The following CX3CR1 variants were observed in gnomAD, a reference collection of about 807,000 sequenced individuals.
CX3CR1 encodes the protein CX3C chemokine receptor 1.
For missense variants in CX3CR1, 363 were observed against 432.4 expected, an observed-to-expected ratio of 0.84 and a Z score of 1.42; for synonymous variants, 168 against 178.5, an observed-to-expected ratio of 0.94 and a Z score of 0.47.
chr3:39,277,478 G>A (rs1319864934), intron 1 of CX3CR1, among the ~76,000 whole-genome samples: 3 of 152,224 alleles, frequency 2.0e-5, no homozygotes, highest in African/African-American at 4.8e-5. Context: ...TCCTATGACC[G>A]TGACCTGCTG....
upstream of CX3CR1, chr3:39,286,657 C>CAAAAAAA: frequency 1.2e-5 from 1 of 81,630 alleles, no homozygotes; most frequent in Non-Finnish European, 2.4e-5. Flanking sequence ...GACTCCGTCT[C>CAAAAAAA]AAAAAAAAAA....
chr3:39,284,418 T>G (rs1234672633), upstream of CX3CR1, among the ~76,000 whole-genome samples: 1 of 152,170 alleles, frequency 6.6e-6, no homozygotes, highest in Non-Finnish European at 1.5e-5. Flanking sequence ...CACCTTGGCC[T>G]CCCAAAATGC....
upstream of CX3CR1, among the ~76,000 whole-genome samples, chr3:39,284,519 C>T (rs2040931458): frequency 6.6e-6 from 1 of 152,084 alleles, no homozygotes; most frequent in Non-Finnish European, 1.5e-5. Flanking sequence ...AGTTTAAAGT[C>T]TGGGGATTAG....
At position 39,266,251 on chromosome 3, in the gene CX3CR1, A is replaced by G. The variant is rs938883415; in HGVS notation, c.259T>C (p.Trp87Arg). 12 of 1,614,244 alleles carry G rather than the reference A, an allele frequency of 7.4e-6. No homozygotes were observed. The highest frequency in any genetic ancestry group is 1.0e-5 in the Non-Finnish European group (12 of 1,180,042). The stretch of plus-strand genomic sequence containing the variant: ...TTTTCATTTATCAAATAGTGAGTCC[A>G]GAAGGGCAAAGTGGCTACAAACAGC... The part of the protein sequence containing the change: ...DLLFVATLPF[W>R]THYLINEKGL... The change falls in exon 2 of 2, where the codon TGG (tryptophan) becomes CGG (arginine). Residue 87 changes from tryptophan to arginine, a missense_variant. Transcript: ENST00000399220.
At position 39,265,021 on chromosome 3, in the gene CX3CR1, G is replaced by T; in HGVS notation, c.*421C>A. On this transcript the variant is annotated 3_prime_UTR_variant, in exon 2 of 2. Transcript: ENST00000399220. The stretch of plus-strand genomic sequence containing the variant: ...AAAGCTGTGTCATGTAAAGTCTGGG[G>T]GATCTATAATGACTAAAAGATTTGA... The T allele has an allele frequency of 6.3e-6, 1 of 158,604 alleles. No individual in the cohort carries two copies. Among genetic ancestry groups the T allele is most frequent in the Non-Finnish European group, 1.4e-5 (1 of 72,422 alleles). 9.8% of individuals were successfully genotyped at this position (158,604 alleles called of 1,614,324 possible).
At chr3:39,284,286 C>G (rs564856123), upstream of CX3CR1, among the ~76,000 whole-genome samples, 9 of 152,168 alleles carry the variant, frequency 5.9e-5, no homozygotes, top group East Asian at 1.7e-3. Flanking sequence ...CTCAGCTTCC[C>G]GAGTAGCTGG....
At chr3:39,283,791 AAAATTATATATATATAT>A (rs1333746613), upstream of CX3CR1, among the ~76,000 whole-genome samples, 1 of 83,792 alleles carries the variant, frequency 1.2e-5, no homozygotes, top group Non-Finnish European at 2.3e-5. Flanking sequence ...AAAAAAAAAA[AAAATTATATATATATAT>A]ATATATATAT....
At chr3:39,271,919 C>G (rs1467540179) in intron 1 of CX3CR1, among the ~76,000 whole-genome samples, 1 of 152,184 alleles carries the variant, frequency 6.6e-6, no homozygotes, top group African/African-American at 2.4e-5. Context: ...GATAGGGCCT[C>G]CTGGCAGCAG....
upstream of CX3CR1, among the ~76,000 whole-genome samples, chr3:39,283,402 T>G (rs1473016178): frequency 6.6e-6 from 1 of 152,262 alleles, no homozygotes; most frequent in South Asian, 2.1e-4. Flanking sequence ...TCTTGTGCTT[T>G]ATGTATAAAA....
At chr3:39,270,526 T>C (rs78796740) in intron 1 of CX3CR1, among the ~76,000 whole-genome samples, 1 of 152,220 alleles carries the variant, frequency 6.6e-6, no homozygotes, top group African/African-American at 2.4e-5. Context: ...ATCTGTATAT[T>C]CTGTCATGCA....
upstream of CX3CR1, among the ~76,000 whole-genome samples, chr3:39,285,212 GAAAA>G (rs4016656): frequency 5.2e-5 from 6 of 115,612 alleles, no homozygotes; most frequent in Admixed American, 1.8e-4. Context: ...CATTGGTACA[GAAAA>G]AAAAAAAAAA....
At chr3:39,270,930 A>T (rs1386745201) in intron 1 of CX3CR1, among the ~76,000 whole-genome samples, 1 of 152,244 alleles carries the variant, frequency 6.6e-6, no homozygotes, top group African/African-American at 2.4e-5. Context: ...ATATAAAAGG[A>T]TCATCTCTAT....
At chr3:39,276,871 C>T (rs936643750) in intron 1 of CX3CR1, among the ~76,000 whole-genome samples, 3 of 152,082 alleles carry the variant, frequency 2.0e-5, no homozygotes, top group Non-Finnish European at 4.4e-5. Context: ...GAAGTGATCA[C>T]CATAGAAGTC....
chr3:39,283,797 ATATATATATATAT>A (rs2040925789), upstream of CX3CR1, among the ~76,000 whole-genome samples: 2 of 23,730 alleles, frequency 8.4e-5, no homozygotes, highest in South Asian at 9.7e-4. Flanking sequence ...AAAAAAAATT[ATATATATATATAT>A]ATATATATAT....
upstream of CX3CR1, among the ~76,000 whole-genome samples, chr3:39,284,700 C>G (rs538678012): frequency 3.3e-5 from 5 of 152,274 alleles, no homozygotes; most frequent in African/African-American, 1.2e-4. Context: ...ACTTTCTAGT[C>G]AGGTATTATT....
intron 1 of CX3CR1, among the ~76,000 whole-genome samples, chr3:39,279,652 A>G (rs1358090016): frequency 6.6e-6 from 1 of 152,268 alleles, no homozygotes; most frequent in Admixed American, 6.5e-5. Flanking sequence ...TAATTCCTCA[A>G]CAGCATCCAG....
chr3:39,282,304 T>G (rs1356945617), upstream of CX3CR1, among the ~76,000 whole-genome samples: 1 of 152,192 alleles, frequency 6.6e-6, no homozygotes, highest in Non-Finnish European at 1.5e-5. Context: ...CCCTGAACTC[T>G]TGTTCAACCC....
At chr3:39,282,018 T>TTATA (rs748534620), upstream of CX3CR1, among the ~76,000 whole-genome samples, 1 of 151,658 alleles carries the variant, frequency 6.6e-6, no homozygotes, top group Non-Finnish European at 1.5e-5. Context: ...GATGGGGAGG[T>TTATA]TATAGGAAGG....
chr3:39,269,675 G>T (rs1391561512), intron 1 of CX3CR1, among the ~76,000 whole-genome samples: 1 of 152,160 alleles, frequency 6.6e-6, no homozygotes, highest in Non-Finnish European at 1.5e-5. Context: ...TGCCATCCAG[G>T]GGGTCTGCTC....
Sources: gnomAD v4.1 joint callset for allele counts (sites outside exome capture counted in the v4.1 genomes callset) on GRCh38, gnomAD v4.1.1 for gene constraint, MANE v1.5 for transcripts, NCBI Gene and HGNC (gene_info 2026-07-23, HGNC 2026-07-21) for gene names.